TXLNB: variants seen among roughly 807,000 people sequenced by gnomAD.
TXLNB encodes taxilin beta, also known as beta-taxilin.
In TXLNB, 37 loss-of-function variants were observed where a neutral mutation model predicts 57.4. That is an observed-to-expected ratio of 0.64 (90% CI 0.50 to 0.85). The LOEUF is 0.85. Ranked by LOEUF, TXLNB falls within the 40% of genes least tolerant of loss-of-function variation. The pLI is 0.00. For synonymous variants in TXLNB, 302 were observed against 309.6 expected (o/e 0.98, Z 0.26); for missense variants, 848 against 825.6 (o/e 1.03, Z -0.33).
At chr6:139,289,844 T>G (rs1777265967) in intron 1 of TXLNB, among the ~76,000 whole-genome samples, 1 of 152,210 alleles carries the variant, frequency 6.6e-6, no homozygotes, top group Non-Finnish European at 1.5e-5. Context: ...GAAGAGCCAT[T>G]GAATTTATTT....
the TXLNB span, among the ~76,000 whole-genome samples, chr6:139,181,697 A>C: frequency 6.6e-6 from 1 of 152,220 alleles, no homozygotes; most frequent in Non-Finnish European, 1.5e-5. Context: ...GGATCCCCTA[A>C]GGATAAGGGA....
chr6:139,235,390 G>A (rs1582981149), downstream of TXLNB, among the ~76,000 whole-genome samples: 1 of 152,174 alleles, frequency 6.6e-6, no homozygotes, highest in East Asian at 1.9e-4. Flanking sequence ...TTGGACTTTT[G>A]GGTTAATTCT....
the TXLNB span, among the ~76,000 whole-genome samples, chr6:139,310,789 G>T: frequency 6.6e-6 from 1 of 152,176 alleles, no homozygotes; most frequent in South Asian, 2.1e-4. Context: ...CCGCCTCCCG[G>T]ATTCAAGTGA....
At chr6:139,252,042 TTGTAG>T (rs1346283712) in intron 7 of TXLNB, among the ~76,000 whole-genome samples, 2 of 152,262 alleles carry the variant, frequency 1.3e-5, no homozygotes, top group Admixed American at 1.3e-4. Flanking sequence ...ACACTCGATT[TTGTAG>T]TGACAATTGT....
chr6:139,214,710 G>T, the TXLNB span, among the ~76,000 whole-genome samples: 2 of 152,198 alleles, frequency 1.3e-5, no homozygotes, highest in African/African-American at 4.8e-5. Context: ...CAGATGACAC[G>T]ATTGTATATC....
chr6:139,276,253 A>T (rs991090827), intron 3 of TXLNB, among the ~76,000 whole-genome samples: 1 of 152,248 alleles, frequency 6.6e-6, no homozygotes, highest in African/African-American at 2.4e-5. Flanking sequence ...AAAGTTTCCC[A>T]AACTATGTCA....
the TXLNB span, chr6:139,166,875 C>T: frequency 6.2e-7 from 1 of 1,613,996 alleles, no homozygotes; most frequent in Non-Finnish European, 8.5e-7. Context: ...TTCAGCGGCC[C>T]CCGCTCCTCC....
chr6:139,208,024 C>T, the TXLNB span, among the ~76,000 whole-genome samples: 8 of 151,728 alleles, frequency 5.3e-5, no homozygotes, highest in African/African-American at 1.5e-4. Flanking sequence ...TGCAGTAAGC[C>T]GAGATCGCAC....
upstream of TXLNB, among the ~76,000 whole-genome samples, chr6:139,294,501 G>A (rs763366574): frequency 2.9e-4 from 44 of 151,808 alleles, no homozygotes; most frequent in Non-Finnish European, 1.9e-4. Context: ...CCTTTGGGAA[G>A]TGATTAGATT....
chr6:139,194,872 G>C, the TXLNB span, among the ~76,000 whole-genome samples: 3,990 of 152,282 alleles, frequency 0.026, 177 homozygotes, highest in African/African-American at 0.089. Context: ...TCTCAGTGAG[G>C]TCTCCCTGCT....
chr6:139,293,031 A>G (rs761770571), upstream of TXLNB, among the ~76,000 whole-genome samples: 18 of 152,180 alleles, frequency 1.2e-4, no homozygotes, highest in Non-Finnish European at 2.4e-4. Context: ...TGCAGATGTG[A>G]GGAAGGATCC....
rs752678536 is a variant in TXLNB, at chr6:139,288,576, C to A, written c.324G>T (p.Glu108Asp). The change falls in exon 2 of 10, where the codon GAG becomes GAT. Residue 108 changes from glutamate to aspartate, a missense_variant. Coordinates refer to ENST00000358430, the MANE Select transcript of TXLNB (RefSeq NM_153235.4). ...CAGAAGCAACGGGTTCTCTTCCAGC[C>A]TCTTCAGTTGTTTCCTCACAGTCCC... ...EDGDCEETTE[E>D]AGREPVASGE... is the part of the protein sequence containing the mutation. The A allele has an allele frequency of 2.5e-6, 4 of 1,614,070 alleles. No homozygotes were observed. The highest frequency in any genetic ancestry group is 3.4e-6 in the Non-Finnish European group (4 of 1,180,048).
chr6:139,302,141 T>C, the TXLNB span, among the ~76,000 whole-genome samples: 1 of 152,136 alleles, frequency 6.6e-6, no homozygotes, highest in Non-Finnish European at 1.5e-5. Flanking sequence ...AATAAGATGG[T>C]AGCATACATG....
the TXLNB span, among the ~76,000 whole-genome samples, chr6:139,215,933 C>G: frequency 1.3e-5 from 2 of 151,880 alleles, no homozygotes; most frequent in African/African-American, 4.8e-5. Context: ...GATACCATCT[C>G]ACACCAGTTA....
rs147891811 is a variant in TXLNB, at chr6:139,262,049, G to A, written c.882+530C>T. 1.5e-3 allele frequency among the ~76,000 whole-genome samples: 228 copies of A among 151,572 alleles called. 3 individuals are homozygous for A. The East Asian group carries it at 0.027, about 18-fold the overall frequency. On this transcript the variant is annotated intron_variant, in intron 5 of 9. Transcript: ENST00000358430. ...CTCTCGAGTAGCTGGGATTACAGGC[G>A]CCCACCACCACGCCTGGCTAATTTT... is the stretch of plus-strand genomic sequence containing the variant.
chr6:139,183,320 C>T, the TXLNB span: 3 of 152,310 alleles, frequency 2.0e-5, no homozygotes, highest in East Asian at 1.9e-4. Flanking sequence ...GAACTTTCTT[C>T]GGTTTTCCCT....
chr6:139,317,490 C>T, the TXLNB span, among the ~76,000 whole-genome samples: 66 of 152,176 alleles, frequency 4.3e-4, no homozygotes, highest in East Asian at 0.011. Context: ...ACCTCCGCCT[C>T]CCAGGTTCAT....
At chr6:139,222,691 A>C in the TXLNB span, among the ~76,000 whole-genome samples, 98 of 152,302 alleles carry the variant, frequency 6.4e-4, no homozygotes, top group African/African-American at 1.8e-3. Context: ...CTGTAATCTC[A>C]GCTACTCCAG....
the TXLNB span, among the ~76,000 whole-genome samples, chr6:139,188,087 C>T: frequency 1.3e-5 from 2 of 152,100 alleles, no homozygotes; most frequent in African/African-American, 2.4e-5. Flanking sequence ...TAGGTGGTAA[C>T]CCCTAAGAAA....
Sources: gnomAD v4.1 joint callset for allele counts (sites outside exome capture counted in the v4.1 genomes callset) on GRCh38, gnomAD v4.1.1 for gene constraint, MANE v1.5 for transcripts, NCBI Gene and HGNC (gene_info 2026-07-23, HGNC 2026-07-21) for gene names.